Variants in MAP4K4 observed in about 807,000 individuals in gnomAD.
MAP4K4 encodes the protein mitogen-activated protein kinase kinase kinase kinase 4.
In MAP4K4, 38 loss-of-function variants were observed where a neutral mutation model predicts 189.6. That is an observed-to-expected ratio of 0.20 (90% confidence interval 0.15 to 0.26). The LOEUF (loss-of-function observed/expected upper bound fraction) is 0.26, where lower values mean the gene tolerates loss of function less well. Ranked by LOEUF, MAP4K4 falls within the 10% of genes least tolerant of loss-of-function variation. MAP4K4 has a pLI of 1.00. For missense variants in MAP4K4, 1,054 were observed against 1,726.9 expected (o/e 0.61, Z 6.91); for synonymous variants, 610 against 624.3 (o/e 0.98, Z 0.34).
Position 101,726,840 on chromosome 2 carries a change from T to A in MAP4K4, c.123+28302T>A, listed in dbSNP as rs532350261. On this transcript the variant is annotated intron_variant, in intron 2 of 32. Transcript: ENST00000324219. The stretch of plus-strand genomic sequence containing the variant: ...ATAGAATACCTGAAACTGGGTAATT[T>A]ATGAAGAAAAGGGATTTGTATCTTA... Among the ~76,000 whole-genome samples, 119 of 152,274 alleles carry A rather than the reference T, an allele frequency of 7.8e-4. 1 individual carries two copies. Among genetic ancestry groups the A allele is most frequent in the African/African-American group, 2.7e-3 (111 of 41,542 alleles).
chr2:101,836,252 CT>C (rs764068199), intron 9 of MAP4K4, among the ~76,000 whole-genome samples: 1 of 151,876 alleles, frequency 6.6e-6, no homozygotes, highest in Non-Finnish European at 1.5e-5. Flanking sequence ...TTTAGGCATT[CT>C]TTTAAGTGTA....
intron 2 of MAP4K4, among the ~76,000 whole-genome samples, chr2:101,714,170 T>G (rs762217485): frequency 3.3e-4 from 50 of 152,332 alleles, no homozygotes; most frequent in South Asian, 8.3e-4. Context: ...TCAGGTTTAG[T>G]TTAATAGTTG....
At chr2:101,829,358 C>T in intron 5 of MAP4K4, 146 bp from the exon 6 acceptor site, 1 of 588,746 alleles carries the variant, frequency 1.7e-6, no homozygotes, top group Non-Finnish European at 3.2e-6. Context: ...GTGCTGTCTT[C>T]CTGGGAATGC....
intron 2 of MAP4K4, among the ~76,000 whole-genome samples, chr2:101,703,068 C>T (rs1437272616): frequency 6.6e-6 from 1 of 152,056 alleles, no homozygotes; most frequent in East Asian, 1.9e-4. Flanking sequence ...ATTGAGGAGT[C>T]ACTGAAAGAT....
intron 2 of MAP4K4, among the ~76,000 whole-genome samples, chr2:101,781,502 T>C (rs1275197228): frequency 6.6e-6 from 1 of 152,022 alleles, no homozygotes; most frequent in Non-Finnish European, 1.5e-5. Flanking sequence ...GTGAAGGCCT[T>C]TTTGCTGCAT....
chr2:101,704,129 A>G (rs1403926204), intron 2 of MAP4K4, among the ~76,000 whole-genome samples: 1 of 152,298 alleles, frequency 6.6e-6, no homozygotes, highest in South Asian at 2.1e-4. Flanking sequence ...AATTGGAGGT[A>G]AAGACATCCA....
chr2:101,813,643 G>T (rs960442418), intron 3 of MAP4K4, among the ~76,000 whole-genome samples: 1 of 152,198 alleles, frequency 6.6e-6, no homozygotes, highest in Non-Finnish European at 1.5e-5. Flanking sequence ...ATACATTGCT[G>T]ATTGTTGTTT....
At chr2:101,880,445 GACTA>G (rs1274743325) in intron 27 of MAP4K4, among the ~76,000 whole-genome samples, 2 of 151,832 alleles carry the variant, frequency 1.3e-5, no homozygotes, top group Non-Finnish European at 2.9e-5. Context: ...TCATTAAAAA[GACTA>G]ACCTTTCTCC....
rs904049327 is a variant in MAP4K4 at position 101,730,078 on chromosome 2, G to A, written c.123+31540G>A. 4.6e-5 allele frequency among the ~76,000 whole-genome samples: 7 copies of A among 152,268 alleles called. No homozygotes were observed. The East Asian group carries it at 1.2e-3, about 25-fold the overall frequency. On this transcript the variant is annotated intron_variant, in intron 2 of 32. Coordinates refer to ENST00000324219, the Ensembl canonical transcript of MAP4K4. ...TCCAGGGGCCCTCTCCTTAAGATGC[G>A]TCAGTGGACCTAGGACGGGGGAAAG...
intron 26 of MAP4K4, among the ~76,000 whole-genome samples, chr2:101,874,968 AAC>A (rs2098158920): frequency 6.6e-6 from 1 of 152,180 alleles, no homozygotes. Flanking sequence ...AGTTTTTAGA[AAC>A]ACACATAATA....
At chr2:101,751,848 C>T (rs996868433) in intron 2 of MAP4K4, among the ~76,000 whole-genome samples, 5 of 152,174 alleles carry the variant, frequency 3.3e-5, no homozygotes, top group Non-Finnish European at 5.9e-5. Flanking sequence ...GTCCCATTTA[C>T]GTATACACTG....
At chr2:101,890,379 T>C (rs2098548727) in intron 32 of MAP4K4, among the ~76,000 whole-genome samples, 1 of 152,206 alleles carries the variant, frequency 6.6e-6, no homozygotes, top group Admixed American at 6.5e-5. Flanking sequence ...TGAGTTGTAA[T>C]AAAAATTGGC....
intron 2 of MAP4K4, among the ~76,000 whole-genome samples, chr2:101,722,260 C>T (rs940274582): frequency 8.5e-5 from 13 of 152,300 alleles, no homozygotes; most frequent in South Asian, 6.2e-4. Context: ...TTTTCGTAAC[C>T]TCATGGATTA....
intron 15 of MAP4K4, chr2:101,860,569 G>T: frequency 2.6e-6 from 1 of 385,106 alleles, no homozygotes; most frequent in Non-Finnish European, 4.7e-6. Context: ...ATCATATACA[G>T]TCTTAGAATT....
At chr2:101,816,897 G>A (rs1364262970) in intron 3 of MAP4K4, among the ~76,000 whole-genome samples, 1 of 152,170 alleles carries the variant, frequency 6.6e-6, no homozygotes, top group Non-Finnish European at 1.5e-5. Flanking sequence ...GCAGCAAGGA[G>A]GGGAGAGGAC....
chr2:101,722,038 G>C (rs2052469256), intron 2 of MAP4K4, among the ~76,000 whole-genome samples: 1 of 152,078 alleles, frequency 6.6e-6, no homozygotes, highest in Non-Finnish European at 1.5e-5. Flanking sequence ...ACCTCACCTT[G>C]GTTTACAATA....
intron 2 of MAP4K4, among the ~76,000 whole-genome samples, chr2:101,721,587 C>A (rs540339594): frequency 6.6e-6 from 1 of 152,174 alleles, no homozygotes; most frequent in Admixed American, 6.5e-5. Context: ...AGGCTCACGC[C>A]ACCATGCCTG....
intron 2 of MAP4K4, among the ~76,000 whole-genome samples, chr2:101,755,758 T>G (rs1415886666): frequency 2.0e-5 from 3 of 152,110 alleles, no homozygotes; most frequent in Non-Finnish European, 2.9e-5. Flanking sequence ...ACCCCTTGCC[T>G]TGTTACATGG....
In MAP4K4 at chr2:101,835,992, G is replaced by A; in HGVS notation, c.773+14G>A. The A allele has an allele frequency of 6.3e-7, 1 of 1,593,516 alleles. No homozygotes were observed. Among genetic ancestry groups the A allele is most frequent in the African/African-American group, 1.3e-5 (1 of 74,490 alleles). ...GTCAAAAAAATGGTAAGCTATATATGGTTTTTTGTTGTTCTTTTCCCTTTT... is the reference window on the plus strand; with the variant it reads ...GTCAAAAAAATGGTAAGCTATATATAGTTTTTTGTTGTTCTTTTCCCTTTT... On this transcript the variant is annotated intron_variant, in intron 9 of 32. Transcript: ENST00000324219.
Sources: gnomAD v4.1 joint callset for allele counts (sites outside exome capture counted in the v4.1 genomes callset) on GRCh38, gnomAD v4.1.1 for gene constraint, MANE v1.5 for transcripts, NCBI Gene and HGNC (gene_info 2026-07-23, HGNC 2026-07-21) for gene names.